NEDD4L: variants seen among roughly 807,000 people sequenced by gnomAD.
The protein encoded by NEDD4L is NEDD4 like E3 ubiquitin protein ligase.
In NEDD4L, 54 loss-of-function variants were observed where a neutral mutation model predicts 148.9. The observed-to-expected ratio is 0.36, with a 90% CI of 0.29 to 0.45. The LOEUF is 0.45. NEDD4L is among the 20% of genes least tolerant of loss of function. NEDD4L has a pLI of 1.00. For synonymous variants in NEDD4L, 433 were observed against 440.7 expected, an observed-to-expected ratio of 0.98 and a Z score of 0.22; for missense variants, 856 against 1,233.8, an observed-to-expected ratio of 0.69 and a Z score of 4.59.
At chr18:58,175,299 A>T (rs537659230) in intron 2 of NEDD4L, among the ~76,000 whole-genome samples, 19 of 151,736 alleles carry the variant, frequency 1.3e-4, no homozygotes, top group Non-Finnish European at 2.2e-4. Context: ...CTTTCTGGCC[A>T]CTAGGGACCG....
rs572003440 is a variant in NEDD4L at position 58,102,652 on chromosome 18, A to G, written c.48+57944A>G. On this transcript the variant is annotated intron_variant, in intron 1 of 30. Coordinates refer to ENST00000400345, the MANE Select transcript of NEDD4L (RefSeq NM_001144967.3). Reference sequence around the variant, plus strand: ...AAAAATAACAATATAACAAAAAGTAATGCAAATAACGCAGTATCACATCTA... The same window carrying G: ...AAAAATAACAATATAACAAAAAGTAGTGCAAATAACGCAGTATCACATCTA... Among the ~76,000 whole-genome samples the G allele has an allele frequency of 5.7e-4, 87 of 152,360 alleles. No homozygotes were observed. In the Middle Eastern group the frequency reaches 0.01, roughly 18 times the overall value.
rs1354626435 is a variant in NEDD4L, at chr18:58,399,065, G to A, written c.*2796G>A. 6.6e-6 allele frequency: 1 copy of A among 152,286 alleles called. No individual in the cohort carries two copies. Among genetic ancestry groups the A allele is most frequent in the East Asian group, 1.9e-4 (1 of 5,204 alleles). 9.4% of individuals were successfully genotyped at this position (152,286 alleles called of 1,614,324 possible). On this transcript the variant is annotated 3_prime_UTR_variant, in exon 31 of 31. Transcript: ENST00000400345. ...ATGAGGCTGAGAAGTACGTGCCGGA[G>A]CTCACACACTGCCTGTTGCGGTTCT...
At chr18:58,342,845 C>T (rs778023435) in intron 15 of NEDD4L, 61 bp from the exon 16 acceptor site, 2 of 1,345,548 alleles carry the variant, frequency 1.5e-6, no homozygotes, top group South Asian at 1.8e-5. Flanking sequence ...TACCCAGGTA[C>T]ATTTTGGCAC....
intron 16 of NEDD4L, among the ~76,000 whole-genome samples, chr18:58,348,326 C>CTTTTCTTTT (rs2043370791): frequency 1.1e-5 from 1 of 88,674 alleles, no homozygotes; most frequent in African/African-American, 5.4e-5. Flanking sequence ...TCTTTTTTTT[C>CTTTTCTTTT]TTTTTTTTTT....
chr18:58,102,172 C>T (rs1439673971), intron 1 of NEDD4L, among the ~76,000 whole-genome samples: 1 of 152,092 alleles, frequency 6.6e-6, no homozygotes, highest in African/African-American at 2.4e-5. Flanking sequence ...TCTTCTTCCC[C>T]CTCCATGACT....
At chr18:58,269,785 A>G (rs17064596) in intron 5 of NEDD4L, among the ~76,000 whole-genome samples, 28,959 of 151,750 alleles carry the variant, frequency 0.19, 3,086 homozygotes, top group African/African-American at 0.21. Context: ...TTTCTCACCC[A>G]CTTTTCCTTC....
chr18:58,252,776 C>G (rs773488598), intron 5 of NEDD4L, among the ~76,000 whole-genome samples: 6 of 151,952 alleles, frequency 3.9e-5, no homozygotes, highest in Admixed American at 3.9e-4. Context: ...GGTTGGAGTG[C>G]AGTGGTGCAG....
rs2048506999 is a variant in NEDD4L at position 58,256,118 on chromosome 18, C to T, written c.297+4064C>T. ...CGGGAGCTCCCCTCCGAGGGCAGCC[C>T]GGGACCCAGGGCTCCAGGTCAACGG... On this transcript the variant is annotated intron_variant, in intron 5 of 30. Coordinates refer to ENST00000400345, the MANE Select transcript of NEDD4L (RefSeq NM_001144967.3). The surrounding 1 kb of genome is among the most constrained non-coding windows in gnomAD (Gnocchi z 5.2). The T allele has an allele frequency of 4.1e-6, 5 of 1,226,226 alleles. No homozygotes were observed. The highest frequency in any genetic ancestry group is 8.5e-5 in the Admixed American group (2 of 23,496). The allele number at this position is 1,226,226 out of a possible 1,614,324, so 76.0% of individuals were successfully genotyped here. A position where few individuals can be genotyped will look rare whatever the true frequency, so the allele number is the denominator to read the frequency against.
At chr18:58,237,210 C>T (rs2046137958) in intron 2 of NEDD4L, among the ~76,000 whole-genome samples, 1 of 152,080 alleles carries the variant, frequency 6.6e-6, no homozygotes, top group Non-Finnish European at 1.5e-5. Flanking sequence ...TGTCTGTTTA[C>T]CTCTATTCCC....
intron 1 of NEDD4L, among the ~76,000 whole-genome samples, chr18:58,100,982 T>C (rs1195245651): frequency 6.6e-6 from 1 of 152,082 alleles, no homozygotes; most frequent in Non-Finnish European, 1.5e-5. Flanking sequence ...ATTTTTGTAT[T>C]TTTTGTAGAG....
chr18:58,262,317 A>G (rs1004437438), intron 5 of NEDD4L, among the ~76,000 whole-genome samples: 1 of 152,130 alleles, frequency 6.6e-6, no homozygotes, highest in South Asian at 2.1e-4. Context: ...TTCTGTCTCT[A>G]TTTGTGATAA....
At chr18:58,395,501 G>A (rs1276564717) in intron 30 of NEDD4L, among the ~76,000 whole-genome samples, 1 of 150,556 alleles carries the variant, frequency 6.6e-6, no homozygotes, top group East Asian at 2.0e-4. Context: ...GCCCCCACCT[G>A]AAGCCTCCAG....
At chr18:58,188,851 T>C (rs1364754960) in intron 2 of NEDD4L, among the ~76,000 whole-genome samples, 5 of 152,276 alleles carry the variant, frequency 3.3e-5, no homozygotes, top group African/African-American at 4.8e-5. Context: ...AATGATTGCA[T>C]GGCCTAATAG....
intron 2 of NEDD4L, among the ~76,000 whole-genome samples, chr18:58,240,649 T>C (rs918433247): frequency 2.6e-5 from 4 of 152,178 alleles, no homozygotes; most frequent in African/African-American, 9.7e-5. Context: ...GTCAGTCCTT[T>C]CTGATTTTTG....
intron 2 of NEDD4L, among the ~76,000 whole-genome samples, chr18:58,166,159 C>T (rs2036824165): frequency 6.6e-6 from 1 of 152,206 alleles, no homozygotes; most frequent in Non-Finnish European, 1.5e-5. Context: ...CAGTGTGGGA[C>T]TATGGCTCTG....
intron 25 of NEDD4L, 67 bp from the exon 26 acceptor site, chr18:58,385,459 T>C: frequency 7.9e-7 from 1 of 1,273,640 alleles, no homozygotes; most frequent in Non-Finnish European, 1.2e-6. Context: ...CACTCCCTGT[T>C]GCGGAGAAAG....
chr18:58,210,783 T>TA (rs1166116842), intron 2 of NEDD4L, among the ~76,000 whole-genome samples: 1 of 152,088 alleles, frequency 6.6e-6, no homozygotes, highest in Non-Finnish European at 1.5e-5. Flanking sequence ...TCTGATGAAT[T>TA]AAAAAAATAA....
intron 1 of NEDD4L, among the ~76,000 whole-genome samples, chr18:58,151,403 C>T (rs1445607111): frequency 6.6e-6 from 1 of 152,178 alleles, no homozygotes; most frequent in Non-Finnish European, 1.5e-5. Flanking sequence ...TTACTCTTAT[C>T]TCCATATATT....
intron 5 of NEDD4L, among the ~76,000 whole-genome samples, chr18:58,262,413 G>A (rs2148674045): frequency 6.6e-6 from 1 of 152,270 alleles, no homozygotes; most frequent in South Asian, 2.1e-4. Flanking sequence ...TAGATCCCTT[G>A]AGCCCAGGAC....
Sources: gnomAD v4.1 joint callset for allele counts (sites outside exome capture counted in the v4.1 genomes callset) on GRCh38, gnomAD v4.1.1 for gene constraint, Gnocchi (gnomAD v3.1) non-coding constraint, MANE v1.5 for transcripts, NCBI Gene and HGNC (gene_info 2026-07-23, HGNC 2026-07-21) for gene names.